SAMD5: variants seen among roughly 807,000 people sequenced by gnomAD.
SAMD5 encodes sterile alpha motif domain-containing protein 5.
Under a neutral mutation model 11.3 loss-of-function variants are expected in SAMD5, and 13 were observed. That is an observed-to-expected ratio of 1.15 (90% confidence interval 0.75 to 1.83). The LOEUF is 1.83. Ranked by LOEUF, SAMD5 falls within the 40% of genes most tolerant of loss-of-function variation. The pLI is 0.00. For synonymous variants in SAMD5, 129 were observed against 111.3 expected, an observed-to-expected ratio of 1.16 and a Z score of -1.00; for missense variants, 255 against 239.1, an observed-to-expected ratio of 1.07 and a Z score of -0.44.
the SAMD5 span, among the ~76,000 whole-genome samples, chr6:147,841,346 G>C: frequency 1.3e-5 from 2 of 152,158 alleles, no homozygotes; most frequent in South Asian, 2.1e-4. Flanking sequence ...AAGATTTTCT[G>C]TCTGAGCCAG....
Position 147,564,393 on chromosome 6 carries a change from G to C in SAMD5, c.460-1G>C. 1 of 780,762 alleles carries C rather than the reference G, an allele frequency of 1.3e-6. No individual in the cohort carries two copies. Among genetic ancestry groups the C allele is most frequent in the Non-Finnish European group, 2.4e-6 (1 of 417,972 alleles). 48.4% of individuals were successfully genotyped at this position (780,762 alleles called of 1,614,324 possible). A position where few individuals can be genotyped will look rare whatever the true frequency, so the allele number is the denominator to read the frequency against. On this transcript the variant is annotated splice_acceptor_variant, in intron 1 of 1. Transcript: ENST00000367474. LOFTEE classifies it high-confidence loss of function. ...TAACCCAGATATGTTCAAATCCACA[G>C]GTCCCAATGGCTGGCATCCTAGAGT...
the SAMD5 span, among the ~76,000 whole-genome samples, chr6:147,938,677 A>G: frequency 2.0e-5 from 3 of 152,342 alleles, no homozygotes; most frequent in African/African-American, 7.2e-5. Context: ...CCAACTGGTG[A>G]GTCAGAATAT....
At chr6:147,909,066 C>T in the SAMD5 span, among the ~76,000 whole-genome samples, 27 of 152,206 alleles carry the variant, frequency 1.8e-4, no homozygotes, top group South Asian at 1.5e-3. Context: ...AAAAATTAGC[C>T]GGCATGGTGG....
At chr6:147,535,043 T>G (rs1165935062) in intron 1 of SAMD5, among the ~76,000 whole-genome samples, 1 of 152,240 alleles carries the variant, frequency 6.6e-6, no homozygotes, top group African/African-American at 2.4e-5. Flanking sequence ...TCTCTTTCAC[T>G]GTCTCAGTTA....
intron 1 of SAMD5, among the ~76,000 whole-genome samples, chr6:147,531,786 G>A (rs992490012): frequency 6.6e-6 from 1 of 152,162 alleles, no homozygotes; most frequent in Non-Finnish European, 1.5e-5. Context: ...GTGCTACATA[G>A]CCTTATATTT....
chr6:147,790,751 TC>T, the SAMD5 span, among the ~76,000 whole-genome samples: 5 of 72,158 alleles, frequency 6.9e-5, no homozygotes, highest in South Asian at 2.0e-3. Context: ...TCTCTCTCTC[TC>T]TCTTTCTCTC....
At chr6:147,769,767 G>A in the SAMD5 span, among the ~76,000 whole-genome samples, 1 of 152,192 alleles carries the variant, frequency 6.6e-6, no homozygotes, top group African/African-American at 2.4e-5. Flanking sequence ...TAGGGAGTTA[G>A]AATGGGTTTG....
At chr6:147,638,841 A>G (rs890269458) in intron 1 of SAMD5, among the ~76,000 whole-genome samples, 1 of 152,216 alleles carries the variant, frequency 6.6e-6, no homozygotes, top group Non-Finnish European at 1.5e-5. Context: ...ATTTTGTGTT[A>G]CCTGTAATAT....
the SAMD5 span, among the ~76,000 whole-genome samples, chr6:147,890,178 C>G: frequency 6.6e-6 from 1 of 151,562 alleles, no homozygotes; most frequent in Non-Finnish European, 1.5e-5. Flanking sequence ...ACATGTGTAG[C>G]AGAAAAAAAT....
chr6:147,692,961 G>A (rs1403725655), intron 1 of SAMD5, among the ~76,000 whole-genome samples: 2 of 152,186 alleles, frequency 1.3e-5, no homozygotes, highest in Non-Finnish European at 2.9e-5. Context: ...AGTGGGGAAA[G>A]ATGACAGAAA....
chr6:147,550,551 A>T (rs1788753743), intron 1 of SAMD5, among the ~76,000 whole-genome samples: 1 of 152,252 alleles, frequency 6.6e-6, no homozygotes, highest in Non-Finnish European at 1.5e-5. Context: ...GTATATATAC[A>T]CAATGGAATA....
chr6:147,720,102 G>A (rs1791526158), intron 1 of SAMD5, among the ~76,000 whole-genome samples: 1 of 152,292 alleles, frequency 6.6e-6, no homozygotes, highest in Admixed American at 6.5e-5. Context: ...CACCAGGCAC[G>A]TACAGTGTCT....
intron 1 of SAMD5, among the ~76,000 whole-genome samples, chr6:147,732,560 G>A (rs1413635559): frequency 6.6e-6 from 1 of 152,176 alleles, no homozygotes; most frequent in Non-Finnish European, 1.5e-5. Context: ...TGCTCATACA[G>A]CTAGAAATGA....
At chr6:147,584,025 T>C (rs1789339130) in intron 1 of SAMD5, among the ~76,000 whole-genome samples, 1 of 152,118 alleles carries the variant, frequency 6.6e-6, no homozygotes, top group Non-Finnish European at 1.5e-5. Flanking sequence ...TCAGAGCATA[T>C]GATTTTAGAA....
the SAMD5 span, among the ~76,000 whole-genome samples, chr6:147,787,700 C>T: frequency 2.0e-5 from 3 of 152,200 alleles, no homozygotes; most frequent in South Asian, 4.2e-4. Flanking sequence ...TATATGAAAG[C>T]CTCGTTCTTG....
chr6:147,819,407 T>A, the SAMD5 span, among the ~76,000 whole-genome samples: 1 of 152,036 alleles, frequency 6.6e-6, no homozygotes. Flanking sequence ...GATTTACCTA[T>A]ATAACAAAGC....
At chr6:147,826,018 A>G in the SAMD5 span, among the ~76,000 whole-genome samples, 7 of 152,226 alleles carry the variant, frequency 4.6e-5, no homozygotes, top group Admixed American at 4.6e-4. Context: ...AAATGTTACC[A>G]TGGGAACCTG....
chr6:147,882,440 T>C, the SAMD5 span, among the ~76,000 whole-genome samples: 2 of 152,058 alleles, frequency 1.3e-5, no homozygotes, highest in African/African-American at 4.8e-5. Context: ...TTTGGCCAGA[T>C]GTGGTGATGC....
the SAMD5 span, among the ~76,000 whole-genome samples, chr6:147,810,119 T>G: frequency 2.0e-5 from 3 of 152,244 alleles, no homozygotes; most frequent in Non-Finnish European, 4.4e-5. Context: ...TGATTTGTTT[T>G]TCTAGAAGAC....
Sources: allele counts gnomAD v4.1 joint callset (sites outside exome capture counted in the v4.1 genomes callset), GRCh38; gene constraint gnomAD v4.1.1; transcripts MANE v1.5; gene names NCBI Gene and HGNC (gene_info 2026-07-23, HGNC 2026-07-21).